Variants in KDM5B observed in about 807,000 individuals in gnomAD.
KDM5B encodes the protein lysine-specific demethylase 5B.
In KDM5B, 144 loss-of-function variants were observed where a neutral mutation model predicts 193.4. The observed-to-expected ratio is 0.74, with a 90% confidence interval of 0.65 to 0.86. The LOEUF (loss-of-function observed/expected upper bound fraction) is 0.86, where lower values mean the gene tolerates loss of function less well. Ranked by LOEUF, KDM5B falls within the 40% of genes least tolerant of loss-of-function variation. The pLI, the probability that KDM5B is intolerant of heterozygous loss-of-function variation, is 0.00. For synonymous variants in KDM5B, 668 were observed against 682.6 expected (o/e 0.98, Z 0.33); for missense variants, 1,833 against 1,886.9 (o/e 0.97, Z 0.53).
chr1:202,736,717 C>T (rs561011479), intron 20 of KDM5B, among the ~76,000 whole-genome samples: 39 of 152,132 alleles, frequency 2.6e-4, no homozygotes, highest in South Asian at 1.9e-3. Flanking sequence ...TCTCAGCTCA[C>T]TGCAACCTCT....
At chr1:202,775,466 G>A (rs1215185365) in intron 2 of KDM5B, among the ~76,000 whole-genome samples, 2 of 152,080 alleles carry the variant, frequency 1.3e-5, no homozygotes, top group Non-Finnish European at 2.9e-5. Context: ...GAACCTGGGA[G>A]GTGGAGGTTG....
chr1:202,744,395 TA>T (rs1430045773), intron 16 of KDM5B, among the ~76,000 whole-genome samples: 1 of 152,076 alleles, frequency 6.6e-6, no homozygotes, highest in Non-Finnish European at 1.5e-5. Context: ...CTGTCTCTAC[TA>T]AAAATACAAA....
rs1482873277 is a variant in KDM5B at position 202,749,155 on chromosome 1, G to A, written c.1822-16C>T. The A allele has an allele frequency of 1.6e-5, 26 of 1,592,060 alleles. No homozygotes were observed. In the Admixed American group the frequency reaches 1.8e-4, roughly 11 times the overall value. ...CTAATGGCAGCTGTATCAAAACACGGAAAGAAAAAAATAACATTCATCTTT... is the reference window on the plus strand; with the variant it reads ...CTAATGGCAGCTGTATCAAAACACGAAAAGAAAAAAATAACATTCATCTTT... On this transcript the variant is annotated splice_polypyrimidine_tract_variant and intron_variant, in intron 13 of 26. Transcript: ENST00000367265.
Position 202,740,801 on chromosome 1 carries a change from G to A in KDM5B, c.2957C>T (p.Ser986Leu), listed in dbSNP as rs202077652. Reference sequence around the variant, plus strand: ...TACTGCCGTAGCAAGGCTATTCAATGAATGTCGTGGCCTACAAAATGCAAA... The same window carrying A: ...TACTGCCGTAGCAAGGCTATTCAATAAATGTCGTGGCCTACAAAATGCAAA... Reference protein sequence around the residue: ...KSLLKARPRHSLNSLATAVKE... With the variant: ...KSLLKARPRHLLNSLATAVKE... Residue 986 changes from serine (S) to leucine (L), a missense_variant, in exon 20 of 27, where the codon TCA becomes TTA. Coordinates refer to ENST00000367265, the MANE Select transcript of KDM5B (RefSeq NM_006618.5). 12 of 1,610,518 alleles carry A rather than the reference G, an allele frequency of 7.5e-6. No homozygotes were observed. The East Asian group carries it at 2.7e-4, about 36-fold the overall frequency.
chr1:202,805,343 G>A (rs1416552590), intron 1 of KDM5B, among the ~76,000 whole-genome samples: 1 of 152,106 alleles, frequency 6.6e-6, no homozygotes, highest in Non-Finnish European at 1.5e-5. Context: ...AAATTTCTGA[G>A]AACCCCTAAG....
intron 1 of KDM5B, among the ~76,000 whole-genome samples, chr1:202,783,156 T>C (rs1318198178): frequency 1.3e-5 from 2 of 152,136 alleles, no homozygotes; most frequent in African/African-American, 4.8e-5. Flanking sequence ...TATAACCAGC[T>C]ACTCAGGAGG....
In KDM5B at chr1:202,752,944, G is replaced by C. The variant is rs1464148135; in HGVS notation, c.1662C>G (p.Thr554=). ...TCATCAGGGTATTGGGGTTCATGAT[G>C]GTCACAAGCTGATGGAGGAGATCCG... ...SQPDLLHQLV[T]IMNPNTLMTH... Residue 554 remains threonine, a synonymous_variant, in exon 12 of 27, where the codon ACC becomes ACG. Transcript: ENST00000367265. The C allele has an allele frequency of 6.2e-7, 1 of 1,614,154 alleles. No homozygotes were observed. Among genetic ancestry groups the C allele is most frequent in the Non-Finnish European group, 8.5e-7 (1 of 1,180,010 alleles).
intron 22 of KDM5B, among the ~76,000 whole-genome samples, chr1:202,734,879 C>A (rs532473761): frequency 6.6e-6 from 1 of 152,206 alleles, no homozygotes; most frequent in Non-Finnish European, 1.5e-5. Flanking sequence ...CACTCTAGAA[C>A]GGGCAATGCT....
Position 202,808,192 on chromosome 1 carries a change from G to A in KDM5B, c.114C>T (p.Ser38=). 2 of 1,613,162 alleles carry A rather than the reference G, an allele frequency of 1.2e-6. No individual in the cohort carries two copies. The highest frequency in any genetic ancestry group is 1.7e-6 in the Non-Finnish European group (2 of 1,179,594). The change falls in exon 1 of 27, where the codon AGC becomes AGT. Residue 38 remains serine, a synonymous_variant. Coordinates refer to ENST00000367265, the MANE Select transcript of KDM5B (RefSeq NM_006618.5). Reference sequence around the variant, plus strand: ...CGAAGGGGTCCGCGAACTCTTCCCAGCTGGGTTCGAAGACCGGGCACTCGG... The same window carrying A: ...CGAAGGGGTCCGCGAACTCTTCCCAACTGGGTTCGAAGACCGGGCACTCGG... ...PPPECPVFEP[S]WEEFADPFAF...
chr1:202,730,974 G>A lies in KDM5B; in HGVS notation c.4111C>T (p.Leu1371Phe), dbSNP rs760569903. 2 of 1,613,864 alleles carry A rather than the reference G, an allele frequency of 1.2e-6. No individual in the cohort carries two copies. The highest frequency in any genetic ancestry group is 1.7e-6 in the Non-Finnish European group (2 of 1,179,830). The change falls in exon 25 of 27, where the codon CTT becomes TTT. Residue 1371 changes from leucine to phenylalanine, a missense_variant. Leu to Phe is a conservative substitution (Grantham distance 22, BLOSUM62 0). Coordinates refer to ENST00000367265, the MANE Select transcript of KDM5B (RefSeq NM_006618.5). ...TGCTGAGCAGGGCTTGGCTTTGCAA[G>A]TAAAGTCTGGTAAAGTTCCTGAATT... ...PEIQELYQTL[L>F]AKPSPAQQTD...
At chr1:202,754,196 C>A (rs1405132529) in intron 11 of KDM5B, among the ~76,000 whole-genome samples, 3 of 152,078 alleles carry the variant, frequency 2.0e-5, no homozygotes, top group Non-Finnish European at 2.9e-5. Flanking sequence ...ATCATCCCTG[C>A]GAGGTATGGT....
At chr1:202,770,557 C>G (rs1656671201) in intron 4 of KDM5B, among the ~76,000 whole-genome samples, 1 of 152,092 alleles carries the variant, frequency 6.6e-6, no homozygotes, top group African/African-American at 2.4e-5. Flanking sequence ...AAAACTAGAA[C>G]TGACCTAAAC....
chr1:202,761,301 C>T (rs771656004), intron 7 of KDM5B, among the ~76,000 whole-genome samples: 2 of 151,922 alleles, frequency 1.3e-5, no homozygotes, highest in Non-Finnish European at 2.9e-5. Flanking sequence ...AAAAATTAGC[C>T]GGGCATGGTG....
chr1:202,801,214 G>T (rs1355661695), intron 1 of KDM5B, among the ~76,000 whole-genome samples: 1 of 151,992 alleles, frequency 6.6e-6, no homozygotes, highest in Non-Finnish European at 1.5e-5. Context: ...GAAGTGACGG[G>T]TCTGGCAGAA....
intron 2 of KDM5B, among the ~76,000 whole-genome samples, chr1:202,776,616 C>A (rs1361288758): frequency 2.0e-5 from 3 of 152,070 alleles, no homozygotes; most frequent in Non-Finnish European, 4.4e-5. Context: ...GTGCAGAGTG[C>A]AGTGGCACAA....
At position 202,731,945 on chromosome 1, in the gene KDM5B, G is replaced by A. The variant is rs1313394377; in HGVS notation, c.3910-6C>T. Reference sequence around the variant, plus strand: ...GTGCCAGGAGGTTGAGATACCTAATGGAGGGAAAACGTTTTATAATAAAAT... The same window carrying A: ...GTGCCAGGAGGTTGAGATACCTAATAGAGGGAAAACGTTTTATAATAAAAT... On this transcript the variant is annotated splice_region_variant and splice_polypyrimidine_tract_variant and intron_variant, in intron 23 of 26. Transcript: ENST00000367265. The A allele has an allele frequency of 6.3e-7, 1 of 1,583,618 alleles. No homozygotes were observed.
chr1:202,781,698 AGT>A (rs1657203926), intron 1 of KDM5B, among the ~76,000 whole-genome samples: 1 of 152,230 alleles, frequency 6.6e-6, no homozygotes, highest in Non-Finnish European at 1.5e-5. Flanking sequence ...CTTTGCTTCC[AGT>A]GTGTTATAAA....
chr1:202,804,719 T>C (rs984512923), intron 1 of KDM5B, among the ~76,000 whole-genome samples: 3 of 151,994 alleles, frequency 2.0e-5, no homozygotes, highest in African/African-American at 7.2e-5. Flanking sequence ...AAGAAATCTG[T>C]GGAATCTAGG....
At position 202,758,460 on chromosome 1, in the gene KDM5B, G is replaced by A. The variant is rs767689601; in HGVS notation, c.1128C>T (p.Asp376=). The change falls in exon 9 of 27, where the codon GAC becomes GAT. Residue 376 remains aspartate (D), a synonymous_variant. Coordinates refer to ENST00000367265, the MANE Select transcript of KDM5B (RefSeq NM_006618.5). ...TTTCCCCAAAAGTACGGAGGGTATA[G>A]TCCCTGGCTGCTTGTTCAAAGCCAA... ...EAFGFEQAAR[D]YTLRTFGEMA... is the part of the protein sequence containing the mutation. 1.9e-6 allele frequency: 3 copies of A among 1,612,196 alleles called. No individual in the cohort carries two copies. In the East Asian group the frequency reaches 6.7e-5, roughly 36 times the overall value.
Sources: gnomAD v4.1 joint callset for allele counts (sites outside exome capture counted in the v4.1 genomes callset) on GRCh38, gnomAD v4.1.1 for gene constraint, MANE v1.5 for transcripts, NCBI Gene and HGNC (gene_info 2026-07-23, HGNC 2026-07-21) for gene names.